The following CD8B2 variants were observed in gnomAD, a reference collection of about 807,000 sequenced individuals.
The protein encoded by CD8B2 is CD8B family member 2.
Under a neutral mutation model 23.7 loss-of-function variants are expected in CD8B2, and 11 were observed. That is an observed-to-expected ratio of 0.46 (90% CI 0.29 to 0.77). The LOEUF is 0.77. CD8B2 is among the 30% of genes least tolerant of loss of function. The pLI, the probability that CD8B2 is intolerant of heterozygous loss-of-function variation, is 0.09. For missense variants in CD8B2, 197 were observed against 270.5 expected (o/e 0.73, Z 1.91); for synonymous variants, 90 against 109.3 (o/e 0.82, Z 1.10).
chr2:106,515,874 G>A (rs551978523), downstream of CD8B2, among the ~76,000 whole-genome samples: 10 of 152,000 alleles, frequency 6.6e-5, no homozygotes, highest in Admixed American at 2.6e-4. Flanking sequence ...CCAGGCTGGA[G>A]TGCAATGGCG....
intron 3 of CD8B2, among the ~76,000 whole-genome samples, chr2:106,497,805 C>T (rs910227583): frequency 2.3e-4 from 35 of 152,108 alleles, no homozygotes; most frequent in African/African-American, 7.5e-4. Flanking sequence ...TTCACCTAAA[C>T]GATTTCAGGC....
chr2:106,538,896 G>A (rs1291587550), intron 5 of CD8B2, among the ~76,000 whole-genome samples: 1 of 152,122 alleles, frequency 6.6e-6, no homozygotes, highest in Non-Finnish European at 1.5e-5. Context: ...CTCATATGCA[G>A]TGTGTCCCCC....
chr2:106,497,970 TAGAA>T (rs1679330019), intron 3 of CD8B2, among the ~76,000 whole-genome samples: 2 of 152,098 alleles, frequency 1.3e-5, no homozygotes, highest in African/African-American at 4.8e-5. Context: ...ACCCCAGTGA[TAGAA>T]AGAAACAACC....
chr2:106,541,878 C>A (rs1047848585), intron 5 of CD8B2, among the ~76,000 whole-genome samples: 1 of 152,200 alleles, frequency 6.6e-6, no homozygotes, highest in Non-Finnish European at 1.5e-5. Flanking sequence ...CCTATCTTGG[C>A]AGAGCTGTAT....
chr2:106,528,327 T>A (rs914236328), intron 5 of CD8B2, among the ~76,000 whole-genome samples: 1 of 152,216 alleles, frequency 6.6e-6, no homozygotes, highest in Non-Finnish European at 1.5e-5. Context: ...TGAAGATCTA[T>A]GTATTCCTCT....
intron 3 of CD8B2, among the ~76,000 whole-genome samples, chr2:106,501,184 A>C (rs1679397855): frequency 6.6e-6 from 1 of 152,054 alleles, no homozygotes; most frequent in African/African-American, 2.4e-5. Context: ...TTTTCTGCAG[A>C]GTTATTTGTA....
chr2:106,541,618 T>C (rs769079479), intron 5 of CD8B2, among the ~76,000 whole-genome samples: 20 of 152,188 alleles, frequency 1.3e-4, no homozygotes, highest in Admixed American at 6.5e-5. Context: ...GACCTGTTAG[T>C]GGATTATGAA....
downstream of CD8B2, among the ~76,000 whole-genome samples, chr2:106,511,346 C>A (rs1038676992): frequency 1.2e-4 from 18 of 152,162 alleles, no homozygotes; most frequent in Non-Finnish European, 2.4e-4. Context: ...TTAGGTGAGC[C>A]TGGGTTCTCT....
chr2:106,543,657 AAATT>A (rs1274556429), intron 5 of CD8B2, among the ~76,000 whole-genome samples: 16 of 152,222 alleles, frequency 1.1e-4, no homozygotes, highest in Non-Finnish European at 2.2e-4. Context: ...CAATATAAAT[AAATT>A]AATTAAACAA....
chr2:106,525,898 T>C (rs113838531), intron 5 of CD8B2, among the ~76,000 whole-genome samples: 2,455 of 152,282 alleles, frequency 0.016, 50 homozygotes, highest in African/African-American at 0.054. Flanking sequence ...AGAGAATTTG[T>C]CAATTGATTT....
intron 5 of CD8B2, among the ~76,000 whole-genome samples, chr2:106,543,629 C>A (rs1680210861): frequency 6.6e-6 from 1 of 151,914 alleles, no homozygotes. Flanking sequence ...GCCTGGGTAA[C>A]AGGGCGAGAC....
chr2:106,488,383 C>G (rs1170194096), intron 1 of CD8B2, among the ~76,000 whole-genome samples: 2 of 151,838 alleles, frequency 1.3e-5, no homozygotes, highest in Non-Finnish European at 2.9e-5. Context: ...CAGCACACAG[C>G]AGGGCCTTGG....
At chr2:106,496,599 A>G (rs1005811445) in intron 3 of CD8B2, among the ~76,000 whole-genome samples, 11 of 152,188 alleles carry the variant, frequency 7.2e-5, no homozygotes, top group Non-Finnish European at 1.3e-4. Flanking sequence ...AATGTGGCTT[A>G]TTTATTATCG....
At chr2:106,542,425 T>C (rs903704321) in intron 5 of CD8B2, among the ~76,000 whole-genome samples, 3 of 152,174 alleles carry the variant, frequency 2.0e-5, no homozygotes, top group Admixed American at 1.3e-4. Context: ...TACTAATTAT[T>C]TTGTAAACTG....
intron 3 of CD8B2, among the ~76,000 whole-genome samples, 194 bp from the exon 4 acceptor site, chr2:106,502,280 G>T (rs1414905794): frequency 9.7e-6 from 1 of 103,526 alleles, no homozygotes; most frequent in Non-Finnish European, 1.8e-5. Flanking sequence ...GGGTGACAGA[G>T]CAAGACTCTG....
chr2:106,540,394 A>G (rs952524238), intron 5 of CD8B2, among the ~76,000 whole-genome samples: 5 of 152,182 alleles, frequency 3.3e-5, no homozygotes, highest in African/African-American at 9.7e-5. Context: ...ATTAATGTCA[A>G]TCTCAAAACA....
chr2:106,534,610 G>T (rs556490123), intron 5 of CD8B2, among the ~76,000 whole-genome samples: 1 of 152,236 alleles, frequency 6.6e-6, no homozygotes, highest in African/African-American at 2.4e-5. Flanking sequence ...CCAGGGGAAC[G>T]CCGGGTTCCC....
In CD8B2 at chr2:106,495,190, G is replaced by T. The variant is rs574102593; in HGVS notation, c.404-983G>T. Among the ~76,000 whole-genome samples, 5 of 152,180 alleles carry T rather than the reference G, an allele frequency of 3.3e-5. 1 individual carries two copies. The East Asian group carries it at 9.7e-4, about 29-fold the overall frequency. ...TATTTCAGCAGATAAGGAAATCAAG[G>T]CACAGAAAAATGCTATGACTTGTCC... is the stretch of plus-strand genomic sequence containing the variant. On this transcript the variant is annotated intron_variant, in intron 2 of 5. Coordinates refer to ENST00000643224, the MANE Select transcript of CD8B2 (RefSeq NM_001349727.2).
rs1160464799 is a variant in CD8B2, at chr2:106,487,479, C to G, written c.43+10C>G. ...GCCGCGCAGCTGACAGGTAAGGCGGCGGCGCGCGGGCTGCCCAAGGTCTGC... is the reference window on the plus strand; with the variant it reads ...GCCGCGCAGCTGACAGGTAAGGCGGGGGCGCGCGGGCTGCCCAAGGTCTGC... On this transcript the variant is annotated intron_variant, in intron 1 of 5. Transcript: ENST00000643224. 2.4e-6 allele frequency: 3 copies of G among 1,242,692 alleles called. No homozygotes were observed. The highest frequency in any genetic ancestry group is 3.0e-6 in the Non-Finnish European group (3 of 993,850). 77.0% of individuals were successfully genotyped at this position (1,242,692 alleles called of 1,614,324 possible).
Sources: allele counts gnomAD v4.1 joint callset (sites outside exome capture counted in the v4.1 genomes callset), GRCh38; gene constraint gnomAD v4.1.1; transcripts MANE v1.5; gene names NCBI Gene and HGNC (gene_info 2026-07-23, HGNC 2026-07-21).